PALLD: variants seen among roughly 807,000 people sequenced by gnomAD.
PALLD encodes the protein palladin, cytoskeletal associated protein.
Under a neutral mutation model 123.5 loss-of-function variants are expected in PALLD, and 61 were observed. That is an observed-to-expected ratio of 0.49 (90% CI 0.40 to 0.61). The LOEUF (loss-of-function observed/expected upper bound fraction) is 0.61. Among genes scored for constraint, PALLD ranks in the 20% least tolerant of loss-of-function variants. The pLI is 0.00. For synonymous variants in PALLD, 465 were observed against 496.4 expected, an observed-to-expected ratio of 0.94 and a Z score of 0.84; for missense variants, 1,273 against 1,377.0, an observed-to-expected ratio of 0.92 and a Z score of 1.20.
intron 12 of PALLD, 131 bp from the exon 13 acceptor site, chr4:168,896,418 G>A (rs1755182783): frequency 7.6e-6 from 5 of 659,958 alleles, no homozygotes; most frequent in South Asian, 6.7e-5. Context: ...GGTTGTGTGA[G>A]TACTCACAGC....
intron 10 of PALLD, among the ~76,000 whole-genome samples, chr4:168,808,827 C>A (rs754925357): frequency 1.3e-5 from 2 of 152,060 alleles, no homozygotes; most frequent in Non-Finnish European, 2.9e-5. Context: ...GGAAACTGCC[C>A]CCATGATTCA....
chr4:168,511,755 C>A lies in PALLD; in HGVS notation c.251C>A (p.Thr84Asn), dbSNP rs116614719. 22 of 1,614,124 alleles carry A rather than the reference C, an allele frequency of 1.4e-5. 1 individual carries two copies. The highest frequency in any genetic ancestry group is 1.2e-4 in the Admixed American group (7 of 60,018). ...SLCEHPSHKE[T>N]KLGEHASRRP... ...TGTGAACATCCTTCCCATAAGGAGA[C>A]CAAATTGGGTGAACACGCCTCGAGG... is the stretch of plus-strand genomic sequence containing the variant. The change falls in exon 2 of 22, where the codon ACC becomes AAC. Residue 84 changes from threonine (T) to asparagine (N), a missense_variant. By Grantham distance (65) the Thr-to-Asn change is moderately conservative (BLOSUM62 0). This residue lies in a region of PALLD where 944 missense variants were observed against 954.5 expected (regional missense o/e 0.99). Transcript: ENST00000505667.
At chr4:168,632,510 T>G (rs977672544) in intron 2 of PALLD, among the ~76,000 whole-genome samples, 2 of 152,158 alleles carry the variant, frequency 1.3e-5, no homozygotes, top group Admixed American at 1.3e-4. Flanking sequence ...TGTTTGTTTG[T>G]TTTCTTGGGT....
At chr4:168,915,862 T>G (rs371135214) in intron 16 of PALLD, 33 bp from the exon 17 acceptor site, 1 of 1,584,538 alleles carries the variant, frequency 6.3e-7, no homozygotes, top group Non-Finnish European at 8.7e-7. Flanking sequence ...ACTATCTATA[T>G]TTCTATCTAT....
intron 10 of PALLD, among the ~76,000 whole-genome samples, chr4:168,870,913 G>A (rs185153427): frequency 1.1e-4 from 17 of 152,300 alleles, no homozygotes; most frequent in African/African-American, 4.1e-4. Flanking sequence ...GAATGCCATA[G>A]AGCTTGATGG....
At chr4:168,701,552 T>C (rs983861485) in intron 8 of PALLD, among the ~76,000 whole-genome samples, 3 of 152,166 alleles carry the variant, frequency 2.0e-5, no homozygotes, top group Admixed American at 6.5e-5. Context: ...TCTTTACAAG[T>C]CATCAAGATC....
At chr4:168,608,160 T>C (rs1394748207) in intron 2 of PALLD, among the ~76,000 whole-genome samples, 1 of 152,238 alleles carries the variant, frequency 6.6e-6, no homozygotes, top group Non-Finnish European at 1.5e-5. Flanking sequence ...GGAGCAGCGC[T>C]GGCAACCTAT....
At chr4:168,504,364 G>A (rs778664323) in intron 1 of PALLD, among the ~76,000 whole-genome samples, 1 of 152,174 alleles carries the variant, frequency 6.6e-6, no homozygotes, top group Admixed American at 6.5e-5. Context: ...GGGAGGCTAA[G>A]GTGGGCAGAT....
intron 10 of PALLD, among the ~76,000 whole-genome samples, chr4:168,740,175 T>C (rs1458423061): frequency 1.3e-5 from 2 of 152,150 alleles, no homozygotes; most frequent in Non-Finnish European, 2.9e-5. Context: ...AATCATCACA[T>C]GGTTTCAAGC....
At chr4:168,898,244 G>GA (rs527978461) in intron 13 of PALLD, 334 of 522,406 alleles carry the variant, frequency 6.4e-4, no homozygotes, top group Middle Eastern at 1.0e-3. Context: ...AGAAAAGAAG[G>GA]AAAAAAAAAT....
rs1762353882 is a variant in PALLD at position 168,925,241 on chromosome 4, C to T, written c.3367C>T (p.His1123Tyr). Residue 1123 changes from histidine (H) to tyrosine (Y), a missense_variant, in exon 21 of 22, where the codon CAT becomes TAT. This residue lies in a region of PALLD where 329 missense variants were observed against 422.5 expected (regional missense o/e 0.78). Coordinates refer to ENST00000505667, the MANE Select transcript of PALLD (RefSeq NM_001166108.2). ...TCTCTTTCTATTTGTAGTTTCTCGA[C>T]ATTAATAGTGAACCACACCAGGAGA... ...TARLDVYISR[H>Y] 1 of 1,608,742 alleles carries T rather than the reference C, an allele frequency of 6.2e-7. No homozygotes were observed. The highest frequency in any genetic ancestry group is 1.1e-5 in the South Asian group (1 of 90,974).
At chr4:168,585,763 C>A (rs1040502958) in intron 2 of PALLD, among the ~76,000 whole-genome samples, 2 of 152,178 alleles carry the variant, frequency 1.3e-5, no homozygotes, top group African/African-American at 4.8e-5. Context: ...TGGAACCAAG[C>A]AGCCCACGCC....
chr4:168,723,134 G>A (rs568857256), intron 10 of PALLD, among the ~76,000 whole-genome samples: 44 of 152,304 alleles, frequency 2.9e-4, no homozygotes, highest in Middle Eastern at 3.4e-3. Flanking sequence ...GAACCATGAA[G>A]CCAGGATGTT....
At chr4:168,790,024 G>A (rs1581479843) in intron 10 of PALLD, among the ~76,000 whole-genome samples, 1 of 152,024 alleles carries the variant, frequency 6.6e-6, no homozygotes, top group East Asian at 1.9e-4. Flanking sequence ...CTAAGTGTAA[G>A]ACCAGAATTT....
intron 10 of PALLD, among the ~76,000 whole-genome samples, chr4:168,729,045 T>A (rs1025776784): frequency 2.6e-5 from 4 of 152,196 alleles, no homozygotes; most frequent in African/African-American, 9.7e-5. Context: ...TCCAACTAAT[T>A]TAGTAAGCGA....
At chr4:168,882,054 C>G (rs1319075447) in intron 10 of PALLD, among the ~76,000 whole-genome samples, 1 of 152,198 alleles carries the variant, frequency 6.6e-6, no homozygotes, top group African/African-American at 2.4e-5. Context: ...ATGTTGTATG[C>G]TCTTAACTAC....
rs540426201 is a variant in PALLD at position 168,708,418 on chromosome 4, A to G, written c.1502-610A>G. On this transcript the variant is annotated intron_variant, in intron 8 of 21. Transcript: ENST00000505667. The stretch of plus-strand genomic sequence containing the variant: ...ACACTGAAGTTCAGGGAGACTGACC[A>G]AAGTCACAAAGGCAAGATGTGGCAG... Among the ~76,000 whole-genome samples, 32 of 152,300 alleles carry G rather than the reference A, an allele frequency of 2.1e-4. No homozygotes were observed. The South Asian group carries it at 6.6e-3, about 32-fold the overall frequency.
rs28658064 is a variant in PALLD at position 168,823,694 on chromosome 4, C to T, written c.1965-67228C>T. ...GACCCATTTCAAAAAAAAAGAAATC[C>T]CTTTCTCCTTATGTAACACTACTTG... is the stretch of plus-strand genomic sequence containing the variant. On this transcript the variant is annotated intron_variant, in intron 10 of 21. Transcript: ENST00000505667. Among the ~76,000 whole-genome samples the T allele has an allele frequency of 2.3e-3, 351 of 152,096 alleles. 2 individuals are homozygous for T. Among genetic ancestry groups the T allele is most frequent in the African/African-American group, 8.1e-3 (337 of 41,512 alleles).
At chr4:168,791,854 C>A (rs1737570156) in intron 10 of PALLD, among the ~76,000 whole-genome samples, 1 of 152,052 alleles carries the variant, frequency 6.6e-6, no homozygotes, top group Non-Finnish European at 1.5e-5. Flanking sequence ...TGTTTTGTGT[C>A]ACTTTATGTC....
Sources: allele counts gnomAD v4.1 joint callset (sites outside exome capture counted in the v4.1 genomes callset), GRCh38; gene constraint gnomAD v4.1.1; regional missense constraint gnomAD v4.1.1; transcripts MANE v1.5; gene names NCBI Gene and HGNC (gene_info 2026-07-23, HGNC 2026-07-21).